The following CFAP299 variants were observed in gnomAD, a reference collection of about 807,000 sequenced individuals.
CFAP299 encodes the protein cilia and flagella associated protein 299.
In CFAP299, 21 loss-of-function variants were observed where a neutral mutation model predicts 27.0. The observed-to-expected ratio is 0.78, with a 90% CI of 0.55 to 1.12. The LOEUF (loss-of-function observed/expected upper bound fraction) is 1.12. Ranked by LOEUF, CFAP299 falls within the 50% of genes most tolerant of loss-of-function variation. CFAP299 has a pLI of 0.00. For synonymous variants in CFAP299, 104 were observed against 98.1 expected (o/e 1.06, Z -0.36); for missense variants, 310 against 276.6 (o/e 1.12, Z -0.86).
rs141207590 is a variant in CFAP299, at chr4:80,940,550, T to G, written c.477-4260T>G. On this transcript the variant is annotated intron_variant, in intron 4 of 5. Transcript: ENST00000358105. ...GAATCTCTCCACTGGACTTCCAGTT[T>G]CCCACAGATGCATACAGTTCCTAGA... 2.0e-4 allele frequency among the ~76,000 whole-genome samples: 30 copies of G among 152,298 alleles called. No individual in the cohort carries two copies. The East Asian group carries it at 5.0e-3, about 25-fold the overall frequency.
intron 2 of CFAP299, among the ~76,000 whole-genome samples, chr4:80,505,154 C>T (rs1400785395): frequency 2.0e-5 from 3 of 150,924 alleles, no homozygotes; most frequent in Non-Finnish European, 4.4e-5. Context: ...ATAAATGATA[C>T]ATATAAAATA....
chr4:80,390,256 C>T (rs1389065726), intron 2 of CFAP299, among the ~76,000 whole-genome samples: 2 of 151,844 alleles, frequency 1.3e-5, no homozygotes, highest in African/African-American at 4.8e-5. Flanking sequence ...ACTGTATACC[C>T]TTTGACTGAC....
At chr4:80,558,383 G>T (rs1734885750) in intron 2 of CFAP299, among the ~76,000 whole-genome samples, 1 of 137,950 alleles carries the variant, frequency 7.2e-6, no homozygotes, top group Admixed American at 7.1e-5. Context: ...TTTTGGCCAG[G>T]AACCTTAAAG....
chr4:80,544,495 T>C (rs1327042385), intron 2 of CFAP299, among the ~76,000 whole-genome samples: 2 of 152,150 alleles, frequency 1.3e-5, no homozygotes. Context: ...TATGACATCC[T>C]TAGGCTGAAA....
Position 80,870,038 on chromosome 4 carries a change from T to C in CFAP299, c.379T>C (p.Ser127Pro). The C allele has an allele frequency of 6.2e-7, 1 of 1,613,812 alleles. No homozygotes were observed. The change falls in exon 4 of 6, where the codon TCA becomes CCA. Residue 127 changes from serine to proline, a missense_variant. Ser to Pro is a moderately conservative substitution (Grantham distance 74, BLOSUM62 -1). Transcript: ENST00000358105. ...RDRNSHGQEI[S>P]GYIDYAHRLK... ...CAGAAATTCTCATGGGCAAGAGATA[T>C]CAGGATACATCGACTATGCCCACAG...
chr4:80,393,286 TAA>T (rs1725593612), intron 2 of CFAP299, among the ~76,000 whole-genome samples: 1 of 152,148 alleles, frequency 6.6e-6, no homozygotes, highest in Non-Finnish European at 1.5e-5. Context: ...TAAAAAATTG[TAA>T]AAGTTTATAA....
At chr4:80,778,641 C>T (rs1236011908) in intron 3 of CFAP299, among the ~76,000 whole-genome samples, 1 of 152,016 alleles carries the variant, frequency 6.6e-6, no homozygotes, top group Non-Finnish European at 1.5e-5. Context: ...CAGTCTTCCT[C>T]TTCATGTAAA....
At chr4:80,671,592 G>T (rs1246241887) in intron 3 of CFAP299, among the ~76,000 whole-genome samples, 6 of 152,114 alleles carry the variant, frequency 3.9e-5, no homozygotes, top group African/African-American at 7.2e-5. Flanking sequence ...GGGCAGTATG[G>T]CCATTTTCAT....
chr4:80,436,359 C>T (rs1218149271), intron 2 of CFAP299, among the ~76,000 whole-genome samples: 6 of 145,678 alleles, frequency 4.1e-5, no homozygotes, highest in Admixed American at 7.1e-5. Flanking sequence ...AGTGCAGTGG[C>T]GCGATCTCAG....
intron 1 of CFAP299, among the ~76,000 whole-genome samples, chr4:80,359,791 G>A (rs1032699494): frequency 1.8e-4 from 28 of 152,006 alleles, no homozygotes; most frequent in Admixed American, 1.8e-3. Context: ...AATTATCTTT[G>A]TTCCTATCCG....
rs183426003 is a variant in CFAP299, at chr4:80,785,647, A to T, written c.334-84346A>T. ...CTTTTGGCTAAGATCAGGTTCAACAATGAAATTGCAATGTGTTTTAGTTAG... is the reference window on the plus strand; with the variant it reads ...CTTTTGGCTAAGATCAGGTTCAACATTGAAATTGCAATGTGTTTTAGTTAG... On this transcript the variant is annotated intron_variant, in intron 3 of 5. Transcript: ENST00000358105. Among the ~76,000 whole-genome samples, 7 of 152,286 alleles carry T rather than the reference A, an allele frequency of 4.6e-5. No homozygotes were observed. The East Asian group carries it at 1.3e-3, about 29-fold the overall frequency.
At chr4:80,706,113 T>C (rs1200694188) in intron 3 of CFAP299, among the ~76,000 whole-genome samples, 2 of 151,866 alleles carry the variant, frequency 1.3e-5, no homozygotes, top group Non-Finnish European at 2.9e-5. Context: ...AACTAGCTGC[T>C]ATGGAATGTT....
chr4:80,463,291 C>G (rs188460629), intron 2 of CFAP299, among the ~76,000 whole-genome samples: 1 of 151,954 alleles, frequency 6.6e-6, no homozygotes, highest in African/African-American at 2.4e-5. Flanking sequence ...TTAAAAAACA[C>G]TACATGAGAA....
chr4:80,702,442 T>G (rs1428637909), intron 3 of CFAP299, among the ~76,000 whole-genome samples: 1 of 151,888 alleles, frequency 6.6e-6, no homozygotes, highest in Non-Finnish European at 1.5e-5. Flanking sequence ...TTAAGTGGAA[T>G]AGAGATAAAT....
chr4:80,462,274 C>T (rs1729475154), intron 2 of CFAP299, among the ~76,000 whole-genome samples: 1 of 152,024 alleles, frequency 6.6e-6, no homozygotes, highest in Non-Finnish European at 1.5e-5. Flanking sequence ...AGTAAATAAA[C>T]CTCCCTCTAC....
intron 3 of CFAP299, among the ~76,000 whole-genome samples, chr4:80,700,391 T>A (rs1468630883): frequency 6.6e-6 from 1 of 152,154 alleles, no homozygotes; most frequent in Non-Finnish European, 1.5e-5. Context: ...TAATTAATCA[T>A]AATACTTATT....
rs528741551 is a variant in CFAP299 at position 80,348,416 on chromosome 4, A to G, written c.111+12537A>G. On this transcript the variant is annotated intron_variant, in intron 1 of 5. Transcript: ENST00000358105. The stretch of plus-strand genomic sequence containing the variant: ...GACAAAGGTCTAATATCCAGAATCT[A>G]CAAGAAACTTAAACAAATTTACAAG... Among the ~76,000 whole-genome samples the G allele has an allele frequency of 2.0e-5, 3 of 152,344 alleles. No individual in the cohort carries two copies. The South Asian group carries it at 6.2e-4, about 32-fold the overall frequency.
At chr4:80,429,154 C>T (rs1023934439) in intron 2 of CFAP299, among the ~76,000 whole-genome samples, 5 of 152,196 alleles carry the variant, frequency 3.3e-5, no homozygotes, top group South Asian at 4.1e-4. Flanking sequence ...CAGTATTCAA[C>T]GAATATTATA....
At chr4:80,749,086 C>T (rs1032061520) in intron 3 of CFAP299, among the ~76,000 whole-genome samples, 1 of 152,140 alleles carries the variant, frequency 6.6e-6, no homozygotes, top group Non-Finnish European at 1.5e-5. Flanking sequence ...TCAGCATATC[C>T]TGAGATCTAC....
Sources: gnomAD v4.1 joint callset for allele counts (sites outside exome capture counted in the v4.1 genomes callset) on GRCh38, gnomAD v4.1.1 for gene constraint, MANE v1.5 for transcripts, NCBI Gene and HGNC (gene_info 2026-07-23, HGNC 2026-07-21) for gene names.